The following FHIT variants were observed in gnomAD, a reference collection of about 807,000 sequenced individuals.
The protein encoded by FHIT is bis(5'-adenosyl)-triphosphatase.
A neutral mutation model predicts 17.9 loss-of-function variants in FHIT; 19 were observed. The observed-to-expected ratio is 1.06, with a 90% CI of 0.74 to 1.56. FHIT has a LOEUF of 1.56. Ranked by LOEUF, FHIT falls within the 40% of genes most tolerant of loss-of-function variation. FHIT has a pLI of 0.00. For synonymous variants in FHIT, 81 were observed against 69.7 expected (o/e 1.16, Z -0.81); for missense variants, 248 against 189.2 (o/e 1.31, Z -1.82).
chr3:61,123,118 T>G (rs533845414), intron 2 of FHIT, among the ~76,000 whole-genome samples: 10 of 152,248 alleles, frequency 6.6e-5, no homozygotes, highest in African/African-American at 2.2e-4. Context: ...CCATTAATGA[T>G]AGACTGGATA....
At chr3:60,317,788 C>CTTTTTT (rs10713144) in intron 5 of FHIT, among the ~76,000 whole-genome samples, 1 of 138,540 alleles carries the variant, frequency 7.2e-6, no homozygotes, top group Non-Finnish European at 1.6e-5. Context: ...AGTTTTTCTT[C>CTTTTTT]TTTTTTTTTT....
chr3:61,182,022 G>A (rs2107173001), intron 2 of FHIT, among the ~76,000 whole-genome samples: 1 of 152,248 alleles, frequency 6.6e-6, no homozygotes, highest in Middle Eastern at 3.4e-3. Flanking sequence ...GGATCCTGGG[G>A]CTACATGCTC....
intron 4 of FHIT, among the ~76,000 whole-genome samples, chr3:60,784,259 C>G (rs192398111): frequency 3.3e-5 from 5 of 152,038 alleles, no homozygotes; most frequent in Admixed American, 3.3e-4. Flanking sequence ...TAAGAGGCCC[C>G]GGACAGCTGT....
At chr3:60,125,418 G>C (rs753747971) in intron 5 of FHIT, among the ~76,000 whole-genome samples, 43 of 152,146 alleles carry the variant, frequency 2.8e-4, no homozygotes, top group Non-Finnish European at 5.3e-4. Context: ...GATCGCCTGA[G>C]GTCAGGAGTT....
At chr3:59,889,169 C>T (rs996867983) in intron 8 of FHIT, among the ~76,000 whole-genome samples, 1 of 152,162 alleles carries the variant, frequency 6.6e-6, no homozygotes, top group Admixed American at 6.5e-5. Context: ...TAATTTTTCC[C>T]TACTAACCTG....
intron 5 of FHIT, among the ~76,000 whole-genome samples, chr3:60,353,269 A>C (rs1165892205): frequency 1.3e-5 from 2 of 152,142 alleles, no homozygotes; most frequent in African/African-American, 4.8e-5. Context: ...ACATTAAAAA[A>C]AGTGGGGTGC....
At chr3:60,486,575 C>T (rs904079795) in intron 5 of FHIT, among the ~76,000 whole-genome samples, 1 of 152,054 alleles carries the variant, frequency 6.6e-6, no homozygotes, top group Admixed American at 6.6e-5. Flanking sequence ...TCACTGATAG[C>T]TAAAGATCTA....
chr3:60,575,638 G>C (rs530789946), intron 4 of FHIT, among the ~76,000 whole-genome samples: 1 of 152,272 alleles, frequency 6.6e-6, no homozygotes, highest in South Asian at 2.1e-4. Context: ...ACTGGCATCG[G>C]AGACAGAATT....
At position 61,064,330 on chromosome 3, in the gene FHIT, G is replaced by GGCA. The variant is rs544655853; in HGVS notation, c.-163-22234_-163-22232dup. 7.9e-5 allele frequency among the ~76,000 whole-genome samples: 12 copies of GGCA among 152,200 alleles called. No individual in the cohort carries two copies. The East Asian group carries it at 1.9e-3, about 25-fold the overall frequency. On this transcript the variant is annotated intron_variant, in intron 2 of 9. Transcript: ENST00000492590. ...AGGACACTGTGGTGTTGAAAGCTCTGGCAGCCATTTTGTGGCATGAGGTAA... is the reference window on the plus strand; with the variant it reads ...AGGACACTGTGGTGTTGAAAGCTCTGGCAGCAGCCATTTTGTGGCATGAGGTAA...
intron 1 of FHIT, among the ~76,000 whole-genome samples, chr3:61,215,472 C>G (rs975490194): frequency 6.6e-6 from 1 of 152,150 alleles, no homozygotes; most frequent in African/African-American, 2.4e-5. Context: ...GAACTACAAA[C>G]CACTGCTCAA....
intron 5 of FHIT, among the ~76,000 whole-genome samples, chr3:60,103,796 A>G (rs1477395592): frequency 1.3e-5 from 2 of 152,202 alleles, no homozygotes; most frequent in African/African-American, 4.8e-5. Flanking sequence ...CTGGGATGGC[A>G]TGTCCTTCAC....
At position 60,702,472 on chromosome 3, in the gene FHIT, C is replaced by G. The variant is rs573726288; in HGVS notation, c.-18+119447G>C. On this transcript the variant is annotated intron_variant, in intron 4 of 9. Transcript: ENST00000492590. ...AACATTTTTCTTTTTTCTATATAGG[C>G]CTTTTTTGTTAAATTGTTACTAAGG... Among the ~76,000 whole-genome samples the G allele has an allele frequency of 2.6e-5, 4 of 151,420 alleles. No individual in the cohort carries two copies. The South Asian group carries it at 8.4e-4, about 32-fold the overall frequency.
chr3:60,347,485 C>G (rs1053575736), intron 5 of FHIT, among the ~76,000 whole-genome samples: 1 of 151,942 alleles, frequency 6.6e-6, no homozygotes, highest in Non-Finnish European at 1.5e-5. Flanking sequence ...GCTGGGGGGA[C>G]GATTACTCAT....
At chr3:59,942,700 G>A (rs549857227) in intron 7 of FHIT, among the ~76,000 whole-genome samples, 287 of 152,254 alleles carry the variant, frequency 1.9e-3, no homozygotes, top group Middle Eastern at 0.014. Context: ...CCAGGCTGGA[G>A]TGCAGTGGTG....
chr3:60,174,336 G>A (rs1457850221), intron 5 of FHIT, among the ~76,000 whole-genome samples: 1 of 151,932 alleles, frequency 6.6e-6, no homozygotes, highest in East Asian at 1.9e-4. Context: ...TACTTTCCAG[G>A]TATCATTTTT....
At chr3:60,260,595 A>G (rs1426048029) in intron 5 of FHIT, among the ~76,000 whole-genome samples, 2 of 152,000 alleles carry the variant, frequency 1.3e-5, no homozygotes, top group East Asian at 3.9e-4. Flanking sequence ...AATAAAATAT[A>G]TTATGCTATT....
chr3:61,105,412 G>C (rs1167507950), intron 2 of FHIT, among the ~76,000 whole-genome samples: 1 of 152,058 alleles, frequency 6.6e-6, no homozygotes, highest in Non-Finnish European at 1.5e-5. Context: ...TTTAAAACAG[G>C]AAATGGCATT....
intron 4 of FHIT, among the ~76,000 whole-genome samples, chr3:60,727,189 G>A (rs750084329): frequency 4.0e-5 from 6 of 151,890 alleles, no homozygotes; most frequent in Admixed American, 2.0e-4. Flanking sequence ...TACCCATACC[G>A]AGAAAGACGG....
intron 5 of FHIT, among the ~76,000 whole-genome samples, chr3:60,186,160 G>T (rs975294136): frequency 1.3e-5 from 2 of 151,758 alleles, no homozygotes; most frequent in African/African-American, 2.4e-5. Flanking sequence ...TGTAACTTAC[G>T]ATTTTTTTCA....
Sources: allele counts gnomAD v4.1 joint callset (sites outside exome capture counted in the v4.1 genomes callset), GRCh38; gene constraint gnomAD v4.1.1; transcripts MANE v1.5; gene names NCBI Gene and HGNC (gene_info 2026-07-23, HGNC 2026-07-21).